METTL2A: variants seen among roughly 807,000 people sequenced by gnomAD.
The protein encoded by METTL2A is tRNA N(3)-cytidine methyltransferase METTL2A.
In METTL2A, 45 loss-of-function variants were observed where a neutral mutation model predicts 49.4. That is an observed-to-expected ratio of 0.91 (90% CI 0.72 to 1.17). The LOEUF is 1.17. Among genes scored for constraint, METTL2A ranks in the 50% most tolerant of loss-of-function variants. The pLI is 0.00. For missense variants in METTL2A, 361 were observed against 462.2 expected (o/e 0.78, Z 2.01); for synonymous variants, 118 against 167.5 (o/e 0.70, Z 2.28).
intron 4 of METTL2A, among the ~76,000 whole-genome samples, chr17:62,431,225 T>G (rs1357801275): frequency 6.6e-6 from 1 of 152,082 alleles, no homozygotes; most frequent in African/African-American, 2.4e-5. Flanking sequence ...GGTCTCGAAC[T>G]CCTGACCTCA....
At chr17:62,439,422 G>A (rs1272193227) in intron 5 of METTL2A, among the ~76,000 whole-genome samples, 1 of 148,930 alleles carries the variant, frequency 6.7e-6, no homozygotes, top group African/African-American at 2.5e-5. Context: ...CTTTTGGTTT[G>A]TTTGTTTGTT....
chr17:62,441,915 A>G (rs1598035966), intron 6 of METTL2A, among the ~76,000 whole-genome samples: 1 of 122,960 alleles, frequency 8.1e-6, no homozygotes, highest in African/African-American at 3.0e-5. Context: ...TAATTTTTGT[A>G]TTTTTTTTTT....
chr17:62,440,784 G>A (rs771381049), intron 6 of METTL2A, 28 bp downstream of exon 6: 22 of 1,595,764 alleles, frequency 1.4e-5, no homozygotes, highest in Non-Finnish European at 1.8e-5. Flanking sequence ...GGCTGGTAGT[G>A]TCACAAAAAG....
intron 6 of METTL2A, among the ~76,000 whole-genome samples, chr17:62,442,134 C>G (rs915200233): frequency 5.9e-5 from 9 of 152,196 alleles, no homozygotes; most frequent in Non-Finnish European, 1.0e-4. Flanking sequence ...AAGGTGTTCT[C>G]TGATGCTTAC....
chr17:62,439,492 G>T (rs1408075525), intron 5 of METTL2A, among the ~76,000 whole-genome samples: 2 of 152,012 alleles, frequency 1.3e-5, no homozygotes. Flanking sequence ...GGAGTGCAGT[G>T]GTGCCATCTC....
chr17:62,444,429 G>A (rs538822517), intron 6 of METTL2A, among the ~76,000 whole-genome samples: 9 of 152,242 alleles, frequency 5.9e-5, no homozygotes, highest in South Asian at 2.1e-4. Context: ...ACAGGCACAC[G>A]CCACCACACC....
chr17:62,440,263 G>A (rs994804671), intron 5 of METTL2A, among the ~76,000 whole-genome samples: 3 of 152,090 alleles, frequency 2.0e-5, no homozygotes, highest in African/African-American at 4.8e-5. Flanking sequence ...GATCTTAGGT[G>A]ATCCTCCCGC....
rs531779242 is a variant in METTL2A, at chr17:62,453,016, T to C, written c.*4287T>C. Among the ~76,000 whole-genome samples the C allele has an allele frequency of 6.6e-6, 1 of 152,366 alleles. No individual in the cohort carries two copies. The highest frequency in any genetic ancestry group is 6.5e-5 in the Admixed American group (1 of 15,300). On this transcript the variant is annotated 3_prime_UTR_variant, in exon 9 of 9. Transcript: ENST00000311506. ...AAAAAACTGAATCACTGGGATGGTATTTCATTTATCTTTTGAAATGAAGAA... is the reference window on the plus strand; with the variant it reads ...AAAAAACTGAATCACTGGGATGGTACTTCATTTATCTTTTGAAATGAAGAA...
chr17:62,439,535 G>A (rs6504105), intron 5 of METTL2A, among the ~76,000 whole-genome samples: 16,633 of 151,940 alleles, frequency 0.11, 2,295 homozygotes, highest in East Asian at 0.44. Flanking sequence ...CCGGGTTCAC[G>A]CCATTCTCCT....
chr17:62,428,915 C>T (rs2070646217), intron 4 of METTL2A, among the ~76,000 whole-genome samples: 1 of 152,226 alleles, frequency 6.6e-6, no homozygotes, highest in South Asian at 2.1e-4. Context: ...TCCCAAGTAG[C>T]TGGGACTACA....
intron 7 of METTL2A, among the ~76,000 whole-genome samples, chr17:62,447,246 C>CCA (rs1371475866): frequency 2.0e-5 from 3 of 152,198 alleles, no homozygotes; most frequent in African/African-American, 4.8e-5. Context: ...TGGTGAAACC[C>CCA]TGACTCTACT....
At chr17:62,432,495 CCT>C (rs1474412622) in intron 4 of METTL2A, among the ~76,000 whole-genome samples, 1 of 151,966 alleles carries the variant, frequency 6.6e-6, no homozygotes, top group African/African-American at 2.4e-5. Context: ...ATAGTGAGAC[CCT>C]GTCTCTACAA....
chr17:62,443,369 C>T (rs1225779844), intron 6 of METTL2A, among the ~76,000 whole-genome samples: 2 of 152,002 alleles, frequency 1.3e-5, no homozygotes, highest in African/African-American at 2.4e-5. Flanking sequence ...CAGAGTGAGA[C>T]CCTGTCTCAA....
intron 4 of METTL2A, among the ~76,000 whole-genome samples, chr17:62,430,921 A>G (rs1201109815): frequency 6.6e-6 from 1 of 152,132 alleles, no homozygotes; most frequent in African/African-American, 2.4e-5. Flanking sequence ...GCTGGAGTGC[A>G]GTGGTGCGAT....
At chr17:62,429,355 A>G (rs928107499) in intron 4 of METTL2A, among the ~76,000 whole-genome samples, 2 of 152,094 alleles carry the variant, frequency 1.3e-5, no homozygotes, top group Non-Finnish European at 2.9e-5. Context: ...CAGTGGCACA[A>G]TCTCGACTCA....
chr17:62,441,508 G>A (rs766482129), intron 6 of METTL2A, among the ~76,000 whole-genome samples: 11 of 152,028 alleles, frequency 7.2e-5, no homozygotes, highest in Non-Finnish European at 1.0e-4. Flanking sequence ...ATGCAATGGC[G>A]TGATCTAGGC....
In METTL2A at chr17:62,450,256, T is replaced by A. The variant is rs1268323307; in HGVS notation, c.*1527T>A. On this transcript the variant is annotated 3_prime_UTR_variant, in exon 9 of 9. Coordinates refer to ENST00000311506, the MANE Select transcript of METTL2A (RefSeq NM_181725.4). ...TATCAGTGTTAGATGCCTTTTTTTTTTTTTTTTTTTTTTTTTTTTTAAGGA... is the reference window on the plus strand; with the variant it reads ...TATCAGTGTTAGATGCCTTTTTTTTATTTTTTTTTTTTTTTTTTTTAAGGA... 8.2e-6 allele frequency: 1 copy of A among 122,140 alleles called. No homozygotes were observed. Among genetic ancestry groups the A allele is most frequent in the Non-Finnish European group, 1.6e-5 (1 of 63,354 alleles). 7.6% of individuals were successfully genotyped at this position (122,140 alleles called of 1,614,324 possible).
In METTL2A at chr17:62,451,440, G is replaced by A. The variant is rs1271731227; in HGVS notation, c.*2711G>A. Among the ~76,000 whole-genome samples the A allele has an allele frequency of 2.1e-5, 3 of 142,656 alleles. No homozygotes were observed. Among genetic ancestry groups the A allele is most frequent in the Non-Finnish European group, 3.1e-5 (2 of 65,242 alleles). The allele number at this position is 142,656 out of a possible 152,430, so 93.6% of individuals were successfully genotyped here. ...TGGGATTACAGGCGTGAGCCACCAC[G>A]CCCGGCCAAGACCCTGACTTTTTAA... On this transcript the variant is annotated 3_prime_UTR_variant, in exon 9 of 9. Transcript: ENST00000311506.
rs2070810977 is a variant in METTL2A, at chr17:62,452,397, G to A, written c.*3668G>A. 6.6e-6 allele frequency among the ~76,000 whole-genome samples: 1 copy of A among 152,130 alleles called. No homozygotes were observed. Among genetic ancestry groups the A allele is most frequent in the African/African-American group, 2.4e-5 (1 of 41,426 alleles). On this transcript the variant is annotated 3_prime_UTR_variant, in exon 9 of 9. Transcript: ENST00000311506. ...GTAAAGTTAATAAGTATTTTGTAGG[G>A]AAGTGCTTTGAGACTAAATATCCTG...
Sources: gnomAD v4.1 joint callset for allele counts (sites outside exome capture counted in the v4.1 genomes callset) on GRCh38, gnomAD v4.1.1 for gene constraint, MANE v1.5 for transcripts, NCBI Gene and HGNC (gene_info 2026-07-23, HGNC 2026-07-21) for gene names.